LUZP2: variants seen among roughly 807,000 people sequenced by gnomAD.
LUZP2 encodes the protein leucine zipper protein 2.
A neutral mutation model predicts 51.6 loss-of-function variants in LUZP2; 52 were observed. The observed-to-expected ratio is 1.01, with a 90% CI of 0.81 to 1.27. The LOEUF is 1.27. Ranked by LOEUF, LUZP2 falls within the 50% of genes most tolerant of loss-of-function variation. The pLI is 0.00. For missense variants in LUZP2, 436 were observed against 395.4 expected (o/e 1.10, Z -0.87); for synonymous variants, 154 against 137.3 (o/e 1.12, Z -0.85).
At chr11:25,070,963 T>G (rs913968005) in intron 10 of LUZP2, among the ~76,000 whole-genome samples, 28 of 152,080 alleles carry the variant, frequency 1.8e-4, no homozygotes, top group Admixed American at 1.6e-3. Flanking sequence ...AAGTTTTTTC[T>G]TGTGGCAGGG....
intron 1 of LUZP2, among the ~76,000 whole-genome samples, chr11:24,529,853 TTAA>T (rs1850940258): frequency 2.0e-5 from 3 of 150,998 alleles, no homozygotes; most frequent in South Asian, 4.1e-4. Context: ...TATCTTCATT[TTAA>T]TAATTAACAA....
chr11:25,022,295 G>C (rs1380862250), intron 9 of LUZP2, among the ~76,000 whole-genome samples: 1 of 151,970 alleles, frequency 6.6e-6, no homozygotes, highest in African/African-American at 2.4e-5. Flanking sequence ...TCATCCACCA[G>C]ACTGGGTATT....
intron 1 of LUZP2, among the ~76,000 whole-genome samples, chr11:24,572,830 G>T (rs887120215): frequency 6.6e-6 from 1 of 151,918 alleles, no homozygotes; most frequent in African/African-American, 2.4e-5. Flanking sequence ...TCTGAAACTT[G>T]TACTGTGCAG....
intron 6 of LUZP2, among the ~76,000 whole-genome samples, chr11:24,907,403 T>G (rs942075070): frequency 2.6e-5 from 4 of 151,652 alleles, no homozygotes; most frequent in Non-Finnish European, 5.9e-5. Flanking sequence ...TGAATAGAAG[T>G]GTTTAATACA....
chr11:25,048,310 T>C (rs1297911814), intron 9 of LUZP2, among the ~76,000 whole-genome samples: 1 of 152,220 alleles, frequency 6.6e-6, no homozygotes. Context: ...GCCATAGTTA[T>C]TCAGCAACCC....
At chr11:24,644,566 A>G (rs1241407074) in intron 1 of LUZP2, among the ~76,000 whole-genome samples, 1 of 151,432 alleles carries the variant, frequency 6.6e-6, no homozygotes, top group Non-Finnish European at 1.5e-5. Context: ...TTTGCTGTGG[A>G]TCATTTGTTT....
At chr11:25,016,255 G>A (rs1363019079) in intron 9 of LUZP2, among the ~76,000 whole-genome samples, 1 of 151,920 alleles carries the variant, frequency 6.6e-6, no homozygotes, top group Non-Finnish European at 1.5e-5. Flanking sequence ...TGCCATCCAA[G>A]TAGTATATAT....
At chr11:24,716,531 C>T (rs1263896214) in intron 1 of LUZP2, among the ~76,000 whole-genome samples, 3 of 152,088 alleles carry the variant, frequency 2.0e-5, no homozygotes, top group Non-Finnish European at 4.4e-5. Context: ...GGACAAGTCA[C>T]AGGGTACAGG....
intron 1 of LUZP2, among the ~76,000 whole-genome samples, chr11:24,567,014 A>G (rs11028024): frequency 7.4e-6 from 1 of 134,592 alleles, no homozygotes; most frequent in Admixed American, 7.6e-5. Flanking sequence ...ATATATATAT[A>G]TTTTTTTTAG....
chr11:24,979,758 C>T (rs974457669), intron 8 of LUZP2, among the ~76,000 whole-genome samples: 36 of 151,794 alleles, frequency 2.4e-4, no homozygotes, highest in Non-Finnish European at 3.1e-4. Context: ...CAAACTTTTA[C>T]ACTAAAAATG....
At chr11:24,544,169 T>C (rs565198304) in intron 1 of LUZP2, among the ~76,000 whole-genome samples, 1 of 151,956 alleles carries the variant, frequency 6.6e-6, no homozygotes, top group African/African-American at 2.4e-5. Context: ...GATGCAGGAG[T>C]GTACAGGTCT....
At chr11:24,677,775 T>C (rs1247268536) in intron 1 of LUZP2, among the ~76,000 whole-genome samples, 1 of 151,826 alleles carries the variant, frequency 6.6e-6, no homozygotes, top group Non-Finnish European at 1.5e-5. Context: ...GAGGGCGGGG[T>C]GTGGTGGCTC....
chr11:25,044,157 G>A lies in LUZP2; in HGVS notation c.766-5881G>A, dbSNP rs368125554. Among the ~76,000 whole-genome samples, 100 of 125,894 alleles carry A rather than the reference G, an allele frequency of 7.9e-4. No individual in the cohort carries two copies. The South Asian group carries it at 9.7e-3, about 12-fold the overall frequency. 82.6% of individuals were successfully genotyped at this position (125,894 alleles called of 152,430 possible). A position where few individuals can be genotyped will look rare whatever the true frequency, so the allele number is the denominator to read the frequency against. Reference sequence around the variant, plus strand: ...AGTCTGAGGCTGTATATATACTATAGATATAGTGTCTCTATATATACACAC... The same window carrying A: ...AGTCTGAGGCTGTATATATACTATAAATATAGTGTCTCTATATATACACAC... On this transcript the variant is annotated intron_variant, in intron 9 of 11. Transcript: ENST00000336930.
At chr11:24,905,170 G>T (rs1003878891) in intron 5 of LUZP2, among the ~76,000 whole-genome samples, 1 of 151,900 alleles carries the variant, frequency 6.6e-6, no homozygotes, top group African/African-American at 2.4e-5. Context: ...AGAATAGTAG[G>T]GTACTTTAAT....
In LUZP2 at chr11:24,811,087, T is replaced by C. The variant is rs149130096; in HGVS notation, c.396+47779T>C. Among the ~76,000 whole-genome samples the C allele has an allele frequency of 6.5e-3, 985 of 152,278 alleles. 11 individuals are homozygous for C. Among genetic ancestry groups the C allele is most frequent in the African/African-American group, 0.022 (931 of 41,560 alleles). On this transcript the variant is annotated intron_variant, in intron 5 of 11. Coordinates refer to ENST00000336930, the MANE Select transcript of LUZP2 (RefSeq NM_001009909.4). ...TGTCCACCTGTGTTCCAGTTTGTTT[T>C]CATAGACTTCAGGTTGTTATTGAAG... is the stretch of plus-strand genomic sequence containing the variant.
chr11:24,769,571 C>T (rs75908827), intron 5 of LUZP2, among the ~76,000 whole-genome samples: 12,171 of 151,884 alleles, frequency 0.08, 1,049 homozygotes, highest in African/African-American at 0.22. Flanking sequence ...AAACTAGTTT[C>T]TGATAAAATA....
intron 5 of LUZP2, among the ~76,000 whole-genome samples, chr11:24,814,987 GTC>G (rs1850133598): frequency 1.5e-5 from 1 of 67,338 alleles, no homozygotes; most frequent in African/African-American, 5.9e-5. Context: ...GTGAGACTCC[GTC>G]TCAAAAAAAA....
intron 1 of LUZP2, among the ~76,000 whole-genome samples, chr11:24,675,323 G>A (rs1456589102): frequency 6.6e-6 from 1 of 152,088 alleles, no homozygotes; most frequent in Non-Finnish European, 1.5e-5. Flanking sequence ...TTGCTATTAA[G>A]GGAACAGAAA....
At chr11:24,651,305 T>C (rs1014908745) in intron 1 of LUZP2, among the ~76,000 whole-genome samples, 7 of 152,164 alleles carry the variant, frequency 4.6e-5, no homozygotes, top group African/African-American at 1.7e-4. Context: ...CATTAGCTAA[T>C]TGACAGTAGG....
Sources: gnomAD v4.1 joint callset for allele counts (sites outside exome capture counted in the v4.1 genomes callset) on GRCh38, gnomAD v4.1.1 for gene constraint, MANE v1.5 for transcripts, NCBI Gene and HGNC (gene_info 2026-07-23, HGNC 2026-07-21) for gene names.